The following SLC35F1 variants were observed in gnomAD, a reference collection of about 807,000 sequenced individuals.
SLC35F1 encodes the protein solute carrier family 35 member F1.
In SLC35F1, 14 loss-of-function variants were observed where a neutral mutation model predicts 48.7. That is an observed-to-expected ratio of 0.29 (90% confidence interval 0.19 to 0.45). The LOEUF is 0.45. Ranked by LOEUF, SLC35F1 falls within the 20% of genes least tolerant of loss-of-function variation. The probability of loss-of-function intolerance (pLI) is 1.00; values close to 1 mark genes in which losing one functional copy is unlikely to be tolerated. For missense variants in SLC35F1, 404 were observed against 500.0 expected, an observed-to-expected ratio of 0.81 and a Z score of 1.83; for synonymous variants, 190 against 202.2, an observed-to-expected ratio of 0.94 and a Z score of 0.51.
chr6:117,987,150 C>T (rs144332187), intron 1 of SLC35F1, among the ~76,000 whole-genome samples: 1 of 152,280 alleles, frequency 6.6e-6, no homozygotes, highest in African/African-American at 2.4e-5. Flanking sequence ...ATAAATCAGG[C>T]AGCTATATAT....
chr6:118,226,319 G>A (rs1185679016), intron 2 of SLC35F1, among the ~76,000 whole-genome samples: 1 of 152,310 alleles, frequency 6.6e-6, no homozygotes, highest in East Asian at 1.9e-4. Flanking sequence ...CAAAAAGCTA[G>A]AAATAGAACT....
At chr6:117,923,678 C>CATATACACAT (rs1775951718) in intron 1 of SLC35F1, among the ~76,000 whole-genome samples, 1 of 20,966 alleles carries the variant, frequency 4.8e-5, no homozygotes, top group African/African-American at 1.9e-4. Flanking sequence ...CATATATGTA[C>CATATACACAT]ATATATACAT....
intron 1 of SLC35F1, among the ~76,000 whole-genome samples, chr6:117,936,929 A>G (rs771941758): frequency 4.6e-5 from 7 of 152,138 alleles, no homozygotes; most frequent in Admixed American, 1.3e-4. Context: ...ATCTGCTTCA[A>G]TGATTTCATA....
chr6:118,074,301 T>C (rs1426545585), intron 1 of SLC35F1, among the ~76,000 whole-genome samples: 1 of 152,208 alleles, frequency 6.6e-6, no homozygotes, highest in Non-Finnish European at 1.5e-5. Flanking sequence ...AGTGGAGTAA[T>C]TCAGGTTGTG....
At chr6:117,987,795 A>G (rs1300606522) in intron 1 of SLC35F1, among the ~76,000 whole-genome samples, 8 of 152,210 alleles carry the variant, frequency 5.3e-5, no homozygotes, top group Non-Finnish European at 8.8e-5. Flanking sequence ...TGTGAATTAT[A>G]TGCCTGGCAA....
intron 6 of SLC35F1, among the ~76,000 whole-genome samples, chr6:118,278,244 C>T (rs181953763): frequency 3.2e-4 from 48 of 152,302 alleles, no homozygotes; most frequent in African/African-American, 1.1e-3. Context: ...CAGAAGGTGT[C>T]TCCACAGTGA....
intron 1 of SLC35F1, among the ~76,000 whole-genome samples, chr6:118,030,960 A>C (rs1203926699): frequency 6.6e-6 from 1 of 152,182 alleles, no homozygotes; most frequent in Non-Finnish European, 1.5e-5. Flanking sequence ...TTTTTTAATG[A>C]ATAAACTGTA....
chr6:118,042,435 A>G (rs545303017), intron 1 of SLC35F1, among the ~76,000 whole-genome samples: 7 of 152,202 alleles, frequency 4.6e-5, no homozygotes, highest in Non-Finnish European at 8.8e-5. Context: ...TCTGGGGAGC[A>G]TGAAGAAGGT....
chr6:118,102,461 A>AT (rs1437843865), intron 1 of SLC35F1, among the ~76,000 whole-genome samples: 1 of 152,224 alleles, frequency 6.6e-6, no homozygotes, highest in Non-Finnish European at 1.5e-5. Flanking sequence ...GATTATAGGC[A>AT]TAAGCCACTG....
At chr6:118,149,314 A>G (rs1430370617) in intron 1 of SLC35F1, among the ~76,000 whole-genome samples, 1 of 152,186 alleles carries the variant, frequency 6.6e-6, no homozygotes, top group Non-Finnish European at 1.5e-5. Flanking sequence ...TTTAGAAGGG[A>G]TAGTGCAACA....
chr6:118,025,912 T>G (rs1321368211), intron 1 of SLC35F1, among the ~76,000 whole-genome samples: 1 of 152,188 alleles, frequency 6.6e-6, no homozygotes, highest in Non-Finnish European at 1.5e-5. Flanking sequence ...GGGTCAATAT[T>G]CTGTGATTGC....
intron 1 of SLC35F1, among the ~76,000 whole-genome samples, chr6:117,916,290 T>C (rs1169517235): frequency 6.6e-6 from 1 of 152,240 alleles, no homozygotes; most frequent in East Asian, 1.9e-4. Context: ...TCATTTTTTC[T>C]CATAATTGAT....
chr6:118,209,358 C>T (rs1774975158), intron 2 of SLC35F1, among the ~76,000 whole-genome samples: 1 of 152,180 alleles, frequency 6.6e-6, no homozygotes, highest in Non-Finnish European at 1.5e-5. Context: ...AAAGGTAGCA[C>T]ACCTTTCAGC....
intron 1 of SLC35F1, among the ~76,000 whole-genome samples, chr6:118,112,379 TC>T (rs1175800253): frequency 6.6e-6 from 1 of 152,138 alleles, no homozygotes; most frequent in East Asian, 1.9e-4. Context: ...AGAGTACATC[TC>T]CCCATGATCT....
intron 2 of SLC35F1, among the ~76,000 whole-genome samples, chr6:118,190,687 G>A (rs1232389652): frequency 4.6e-5 from 7 of 152,084 alleles, no homozygotes; most frequent in Non-Finnish European, 1.0e-4. Flanking sequence ...AGAATACAGC[G>A]CACCAGGGGT....
chr6:118,175,552 G>A (rs974907016), intron 2 of SLC35F1, among the ~76,000 whole-genome samples: 2 of 152,204 alleles, frequency 1.3e-5, no homozygotes, highest in Non-Finnish European at 2.9e-5. Flanking sequence ...AAAGTTTTAT[G>A]TGTTTTCCTG....
At chr6:117,950,841 G>A (rs1395769059) in intron 1 of SLC35F1, among the ~76,000 whole-genome samples, 4 of 152,188 alleles carry the variant, frequency 2.6e-5, no homozygotes, top group African/African-American at 4.8e-5. Context: ...TTAAGGCACA[G>A]AAGAAAGCAG....
At chr6:117,923,833 A>ACACATACATATGTATATATACATATG (rs1775977635) in intron 1 of SLC35F1, among the ~76,000 whole-genome samples, 1 of 142,224 alleles carries the variant, frequency 7.0e-6, no homozygotes, top group African/African-American at 2.7e-5. Flanking sequence ...ATATACATAT[A>ACACATACATATGTATATATACATATG]CACATTACAT....
At chr6:118,129,314 G>A (rs1433568086) in intron 1 of SLC35F1, among the ~76,000 whole-genome samples, 1 of 151,904 alleles carries the variant, frequency 6.6e-6, no homozygotes, top group African/African-American at 2.4e-5. Flanking sequence ...GAGCATTCCA[G>A]GTAGTGGGAA....
Sources: allele counts gnomAD v4.1 joint callset (sites outside exome capture counted in the v4.1 genomes callset), GRCh38; gene constraint gnomAD v4.1.1; transcripts MANE v1.5; gene names NCBI Gene and HGNC (gene_info 2026-07-23, HGNC 2026-07-21).